OXR1: variants seen among roughly 807,000 people sequenced by gnomAD.
The protein encoded by OXR1 is oxidation resistance 1.
OXR1 carries 41 observed loss-of-function variants against 104.6 expected under a neutral mutation model. The observed-to-expected ratio is 0.39, with a 90% confidence interval of 0.31 to 0.51. The LOEUF (loss-of-function observed/expected upper bound fraction) is 0.51, where lower values mean the gene tolerates loss of function less well. Among genes scored for constraint, OXR1 ranks in the 20% least tolerant of loss-of-function variants. OXR1 has a pLI of 0.77. For synonymous variants in OXR1, 348 were observed against 348.4 expected (o/e 1.00, Z 0.01); for missense variants, 955 against 1,031.9 (o/e 0.93, Z 1.02).
chr8:106,517,272 C>T lies in OXR1; in HGVS notation c.24-1671C>T, dbSNP rs1196164005. 4.6e-5 allele frequency among the ~76,000 whole-genome samples: 7 copies of T among 152,150 alleles called. No individual in the cohort carries two copies. In the East Asian group the frequency reaches 5.8e-4, roughly 13 times the overall value. On this transcript the variant is annotated intron_variant, in intron 2 of 16. Transcript: ENST00000517566. ...ACTGCTTGTGTTTGGACTTAATATA[C>T]GTAGAATCATAGGGCATGCCCTCTT... is the stretch of plus-strand genomic sequence containing the variant.
intron 3 of OXR1, among the ~76,000 whole-genome samples, chr8:106,595,938 A>T (rs1186504450): frequency 6.6e-6 from 1 of 152,192 alleles, no homozygotes; most frequent in Non-Finnish European, 1.5e-5. Flanking sequence ...GTGTTGAATA[A>T]GGATTTAGAT....
intron 2 of OXR1, among the ~76,000 whole-genome samples, chr8:106,397,478 T>C (rs1248137820): frequency 6.6e-6 from 1 of 152,152 alleles, no homozygotes; most frequent in Non-Finnish European, 1.5e-5. Context: ...ATTCTAGTCA[T>C]ACTTCTCTGA....
chr8:106,401,704 C>G (rs1257103321), intron 2 of OXR1, among the ~76,000 whole-genome samples: 1 of 152,174 alleles, frequency 6.6e-6, no homozygotes, highest in African/African-American at 2.4e-5. Flanking sequence ...GATATCACAG[C>G]ATGCCCCCAC....
chr8:106,564,873 A>G (rs1816957857), intron 3 of OXR1, among the ~76,000 whole-genome samples: 1 of 152,220 alleles, frequency 6.6e-6, no homozygotes, highest in Admixed American at 6.5e-5. Context: ...AGAACCAATG[A>G]CAAAATCACA....
chr8:106,271,253 TA>T (rs768165274), intron 1 of OXR1, among the ~76,000 whole-genome samples: 7 of 151,850 alleles, frequency 4.6e-5, no homozygotes, highest in Non-Finnish European at 5.9e-5. Flanking sequence ...CTCCGTCTAC[TA>T]CCCGGCTTGG....
chr8:106,509,282 A>C (rs1812367627), intron 2 of OXR1, among the ~76,000 whole-genome samples: 1 of 152,212 alleles, frequency 6.6e-6, no homozygotes, highest in Non-Finnish European at 1.5e-5. Flanking sequence ...TTCCAGTTGA[A>C]AGACTTTGAA....
At chr8:106,541,758 T>C (rs1814968162) in intron 3 of OXR1, among the ~76,000 whole-genome samples, 1 of 152,120 alleles carries the variant, frequency 6.6e-6, no homozygotes, top group African/African-American at 2.4e-5. Context: ...GGGAGAGGAT[T>C]TAACACTGAG....
At chr8:106,363,495 C>A (rs948326019) in intron 2 of OXR1, among the ~76,000 whole-genome samples, 2 of 151,142 alleles carry the variant, frequency 1.3e-5, no homozygotes, top group Admixed American at 6.6e-5. Context: ...TGACCTAAAT[C>A]TTATAATTCA....
At chr8:106,422,529 AG>A (rs1415742269) in intron 2 of OXR1, among the ~76,000 whole-genome samples, 1 of 106,618 alleles carries the variant, frequency 9.4e-6, no homozygotes, top group Non-Finnish European at 1.7e-5. Flanking sequence ...ACTATAAAAT[AG>A]TAAAAAAAGA....
Position 106,436,115 on chromosome 8 carries a change from TAAA to T in OXR1, c.23+76485_23+76487del, listed in dbSNP as rs71307059. Among the ~76,000 whole-genome samples the T allele has an allele frequency of 3.3e-5, 5 of 151,832 alleles. No individual in the cohort carries two copies. The East Asian group carries it at 9.7e-4, about 29-fold the overall frequency. ...GATACTGTTTATAAGCCTTTCTTCA[TAAA>T]AAAAATTAGAGCTAGTAATTATTGA... On this transcript the variant is annotated intron_variant, in intron 2 of 16. Transcript: ENST00000517566.
chr8:106,616,374 T>C (rs762138311), intron 3 of OXR1, among the ~76,000 whole-genome samples: 11 of 151,914 alleles, frequency 7.2e-5, no homozygotes, highest in Non-Finnish European at 1.3e-4. Flanking sequence ...CACCTTCTTA[T>C]AGCAGAGTAC....
intron 2 of OXR1, among the ~76,000 whole-genome samples, chr8:106,413,318 T>C (rs1303570663): frequency 1.3e-5 from 2 of 152,232 alleles, no homozygotes; most frequent in East Asian, 1.9e-4. Context: ...GAGAATTGTA[T>C]TGTGCTCTCC....
intron 3 of OXR1, among the ~76,000 whole-genome samples, chr8:106,596,553 A>G (rs911148843): frequency 1.3e-5 from 2 of 152,196 alleles, no homozygotes; most frequent in Admixed American, 1.3e-4. Context: ...AGTGCAATGG[A>G]AGAAGTAAAA....
intron 3 of OXR1, among the ~76,000 whole-genome samples, chr8:106,571,812 T>C (rs562604384): frequency 1.1e-4 from 16 of 152,132 alleles, no homozygotes; most frequent in African/African-American, 3.9e-4. Flanking sequence ...AGGCATAGAA[T>C]AGACATTCCC....
intron 3 of OXR1, among the ~76,000 whole-genome samples, chr8:106,539,214 A>G (rs566151804): frequency 2.0e-5 from 3 of 152,334 alleles, no homozygotes; most frequent in African/African-American, 7.2e-5. Context: ...TAAACTTCCT[A>G]AGTAACAAAA....
chr8:106,666,800 G>A (rs1221456235), intron 3 of OXR1, among the ~76,000 whole-genome samples: 2 of 152,126 alleles, frequency 1.3e-5, no homozygotes, highest in East Asian at 1.9e-4. Flanking sequence ...TCGGGGTGGG[G>A]GTTCCTGCTA....
intron 7 of OXR1, chr8:106,697,642 C>G: frequency 1.9e-6 from 3 of 1,613,956 alleles, no homozygotes; most frequent in Non-Finnish European, 2.5e-6. Flanking sequence ...CCGCTGCACA[C>G]AGGCCATGTT....
intron 1 of OXR1, among the ~76,000 whole-genome samples, chr8:106,322,448 A>G (rs1341497843): frequency 6.6e-6 from 1 of 152,196 alleles, no homozygotes; most frequent in African/African-American, 2.4e-5. Context: ...ATTATACTGA[A>G]TAGGCAAAAA....
rs150351912 is a variant in OXR1 at position 106,626,936 on chromosome 8, G to A, written c.221-52274G>A. Among the ~76,000 whole-genome samples the A allele has an allele frequency of 1.4e-4, 21 of 151,370 alleles. No individual in the cohort carries two copies. In the East Asian group the frequency reaches 3.9e-3, roughly 28 times the overall value. ...TTTTCTTATATTATTTAAAATATTC[G>A]AGTCCTGAAAAATATGAAATGCTTG... On this transcript the variant is annotated intron_variant, in intron 3 of 16. Transcript: ENST00000517566.
Sources: allele counts gnomAD v4.1 joint callset (sites outside exome capture counted in the v4.1 genomes callset), GRCh38; gene constraint gnomAD v4.1.1; transcripts MANE v1.5; gene names NCBI Gene and HGNC (gene_info 2026-07-23, HGNC 2026-07-21).